Variants in NALCN observed in about 807,000 individuals in gnomAD.
NALCN encodes sodium leak channel NALCN.
A neutral mutation model predicts 225.3 loss-of-function variants in NALCN; 111 were observed. The observed-to-expected ratio is 0.49, with a 90% confidence interval of 0.42 to 0.58. The LOEUF is 0.58. Among genes scored for constraint, NALCN ranks in the 20% least tolerant of loss-of-function variants. The probability of loss-of-function intolerance (pLI) is 0.00; values close to 1 mark genes in which losing one functional copy is unlikely to be tolerated. For missense variants in NALCN, 1,378 were observed against 2,202.4 expected, an observed-to-expected ratio of 0.63 and a Z score of 7.49; for synonymous variants, 764 against 769.0, an observed-to-expected ratio of 0.99 and a Z score of 0.11.
chr13:101,119,544 T>C (rs1014254573), intron 18 of NALCN, among the ~76,000 whole-genome samples: 1 of 152,246 alleles, frequency 6.6e-6, no homozygotes, highest in Admixed American at 6.5e-5. Context: ...TTAATTGTTT[T>C]ATTTTAACAT....
At chr13:101,269,234 ATATATATT>A (rs1319184343) in intron 10 of NALCN, among the ~76,000 whole-genome samples, 1 of 102,568 alleles carries the variant, frequency 9.7e-6, no homozygotes, top group Non-Finnish European at 2.3e-5. Context: ...ATATATATAT[ATATATATT>A]TTAGCCTGGT....
intron 2 of NALCN, among the ~76,000 whole-genome samples, chr13:101,395,975 A>G (rs1431475018): frequency 6.6e-6 from 1 of 152,158 alleles, no homozygotes; most frequent in African/African-American, 2.4e-5. Flanking sequence ...ATAAAAATAC[A>G]AAGAAACTTT....
At chr13:101,266,863 A>G (rs2042612532) in intron 10 of NALCN, among the ~76,000 whole-genome samples, 1 of 152,238 alleles carries the variant, frequency 6.6e-6, no homozygotes, top group African/African-American at 2.4e-5. Flanking sequence ...CATTACTTCT[A>G]CTATCAATGT....
chr13:101,235,531 G>C (rs12583753), intron 12 of NALCN, among the ~76,000 whole-genome samples: 31,845 of 152,160 alleles, frequency 0.21, 3,406 homozygotes, highest in East Asian at 0.36. Context: ...TGTGAATCTA[G>C]AGAGCAGTGC....
At chr13:101,345,727 C>A (rs2045699028) in intron 6 of NALCN, among the ~76,000 whole-genome samples, 3 of 90,332 alleles carry the variant, frequency 3.3e-5, no homozygotes, top group Non-Finnish European at 4.1e-5. Context: ...TCTAAGAGTA[C>A]AGCAAAGAGA....
At chr13:101,322,876 C>A (rs2139199672) in intron 7 of NALCN, among the ~76,000 whole-genome samples, 1 of 152,022 alleles carries the variant, frequency 6.6e-6, no homozygotes, top group Admixed American at 6.6e-5. Context: ...CCATGCCTGG[C>A]TAATTTTGTA....
chr13:101,224,772 C>T (rs982500477), intron 13 of NALCN, among the ~76,000 whole-genome samples: 5 of 152,154 alleles, frequency 3.3e-5, no homozygotes, highest in Admixed American at 2.0e-4. Context: ...TCTACAATGC[C>T]TTAAGCACCA....
chr13:101,319,926 A>G (rs2044687353), intron 7 of NALCN, among the ~76,000 whole-genome samples: 1 of 152,198 alleles, frequency 6.6e-6, no homozygotes. Flanking sequence ...GGATTTTTAA[A>G]TAGGTCTTTT....
chr13:101,134,297 G>T (rs2139744768), intron 17 of NALCN, among the ~76,000 whole-genome samples: 1 of 152,322 alleles, frequency 6.6e-6, no homozygotes, highest in African/African-American at 2.4e-5. Flanking sequence ...GTGCACGTGT[G>T]TGCATGCCAT....
chr13:101,122,460 T>C (rs972105097), intron 18 of NALCN, among the ~76,000 whole-genome samples: 6 of 152,178 alleles, frequency 3.9e-5, no homozygotes, highest in Non-Finnish European at 8.8e-5. Context: ...AACTACACCA[T>C]TGTTAGGCAA....
intron 6 of NALCN, 96 bp downstream of exon 6, chr13:101,376,602 CTG>C: frequency 7.8e-7 from 1 of 1,285,754 alleles, no homozygotes; most frequent in Non-Finnish European, 1.1e-6. Context: ...GACATAAGCA[CTG>C]TTTAAAAAAT....
chr13:101,304,355 C>T (rs1288803944), intron 7 of NALCN, among the ~76,000 whole-genome samples: 1 of 152,118 alleles, frequency 6.6e-6, no homozygotes, highest in Non-Finnish European at 1.5e-5. Flanking sequence ...TGGTTTGCTG[C>T]ACCTATTGAC....
intron 20 of NALCN, among the ~76,000 whole-genome samples, chr13:101,109,411 T>C (rs1474578325): frequency 6.6e-6 from 1 of 152,110 alleles, no homozygotes; most frequent in Non-Finnish European, 1.5e-5. Context: ...CCGGAACACT[T>C]AATAAAAACC....
intron 37 of NALCN, 43 bp from the exon 38 acceptor site, chr13:101,068,870 G>C: frequency 6.6e-7 from 1 of 1,524,000 alleles, no homozygotes; most frequent in Non-Finnish European, 8.8e-7. Flanking sequence ...TAAGAGTAGA[G>C]AATACAAATT....
chr13:101,064,722 A>T (rs1422450428), intron 40 of NALCN, among the ~76,000 whole-genome samples: 1 of 152,096 alleles, frequency 6.6e-6, no homozygotes, highest in Non-Finnish European at 1.5e-5. Flanking sequence ...CCTCAGAAGG[A>T]ATCAGCCCCG....
intron 4 of NALCN, among the ~76,000 whole-genome samples, chr13:101,377,316 A>G (rs1190868106): frequency 6.6e-6 from 1 of 152,206 alleles, no homozygotes; most frequent in African/African-American, 2.4e-5. Context: ...GTTTTTAGTT[A>G]CAAGAAGTGC....
chr13:101,246,214 T>C (rs2041891339), intron 11 of NALCN, among the ~76,000 whole-genome samples: 1 of 152,138 alleles, frequency 6.6e-6, no homozygotes, highest in Non-Finnish European at 1.5e-5. Context: ...ACTAATCTCG[T>C]AAACACAGGC....
intron 15 of NALCN, among the ~76,000 whole-genome samples, chr13:101,149,780 C>A (rs1286131397): frequency 1.3e-5 from 2 of 152,268 alleles, no homozygotes; most frequent in African/African-American, 4.8e-5. Flanking sequence ...TGAATCAAAC[C>A]TCCTAAAAGC....
chr13:101,327,449 C>A (rs1045046652), intron 7 of NALCN, among the ~76,000 whole-genome samples: 5 of 152,112 alleles, frequency 3.3e-5, no homozygotes, highest in African/African-American at 1.2e-4. Flanking sequence ...CATTCAGGCT[C>A]ATGCTTCCAT....
Sources: gnomAD v4.1 joint callset for allele counts (sites outside exome capture counted in the v4.1 genomes callset) on GRCh38, gnomAD v4.1.1 for gene constraint, MANE v1.5 for transcripts, NCBI Gene and HGNC (gene_info 2026-07-23, HGNC 2026-07-21) for gene names.